Variants in APBA1 observed in about 807,000 individuals in gnomAD.
APBA1 encodes the protein amyloid-beta A4 precursor protein-binding family A member 1.
Under a neutral mutation model 86.6 loss-of-function variants are expected in APBA1, and 55 were observed. The ratio of observed to expected loss-of-function variants is 0.64; its 90% CI spans 0.51 to 0.80. APBA1 has a LOEUF of 0.80. Among genes scored for constraint, APBA1 ranks in the 30% least tolerant of loss-of-function variants. APBA1 has a pLI of 0.00. For synonymous variants in APBA1, 511 were observed against 493.9 expected, an observed-to-expected ratio of 1.03 and a Z score of -0.46; for missense variants, 1,090 against 1,183.0, an observed-to-expected ratio of 0.92 and a Z score of 1.15.
chr9:69,488,116 A>T (rs1835641194), intron 2 of APBA1, among the ~76,000 whole-genome samples: 1 of 152,140 alleles, frequency 6.6e-6, no homozygotes, highest in Non-Finnish European at 1.5e-5. Flanking sequence ...AGAAGGAGTG[A>T]TGAATGGAAA....
chr9:69,609,045 G>T (rs952864225), intron 1 of APBA1, among the ~76,000 whole-genome samples: 6 of 152,154 alleles, frequency 3.9e-5, no homozygotes, highest in African/African-American at 1.4e-4. Flanking sequence ...GACAGACTGG[G>T]CTAGGCACTA....
intron 8 of APBA1, among the ~76,000 whole-genome samples, chr9:69,455,865 A>AT (rs1248072466): frequency 6.6e-6 from 1 of 151,982 alleles, no homozygotes; most frequent in Non-Finnish European, 1.5e-5. Context: ...GGGCCTTCGC[A>AT]TTTGCTCCTT....
In APBA1 at chr9:69,609,514, A is replaced by G. The variant is rs1822539856; in HGVS notation, c.-70+62639T>C. 1.3e-5 allele frequency among the ~76,000 whole-genome samples: 2 copies of G among 152,176 alleles called. 1 individual carries two copies. The highest frequency in any genetic ancestry group is 4.1e-4 in the South Asian group (2 of 4,834). On this transcript the variant is annotated intron_variant, in intron 1 of 12. Coordinates refer to ENST00000265381, the MANE Select transcript of APBA1 (RefSeq NM_001163.4). ...AAAACCTTTATTTTCCTTTACCTCCATGAATATGCACATGGTTTACTATGG... is the reference window on the plus strand; with the variant it reads ...AAAACCTTTATTTTCCTTTACCTCCGTGAATATGCACATGGTTTACTATGG...
At chr9:69,564,332 T>A (rs1251174329) in intron 1 of APBA1, among the ~76,000 whole-genome samples, 1 of 152,230 alleles carries the variant, frequency 6.6e-6, no homozygotes, top group Non-Finnish European at 1.5e-5. Flanking sequence ...CACAGAGCAA[T>A]ATTTAAAAAC....
rs928035611 is a variant in APBA1, at chr9:69,506,036, G to GA, written c.1200+9974dup. On this transcript the variant is annotated intron_variant, in intron 2 of 12. Transcript: ENST00000265381. ...TCCATCTAAAAAAAAAGAAAAAGAAGAAAAAAAAAAGAAAAGGAGGAGGAG... is the reference window on the plus strand; with the variant it reads ...TCCATCTAAAAAAAAAGAAAAAGAAGAAAAAAAAAAAGAAAAGGAGGAGGAG... Among the ~76,000 whole-genome samples, 33 of 145,616 alleles carry GA rather than the reference G, an allele frequency of 2.3e-4. No homozygotes were observed. The East Asian group carries it at 2.8e-3, about 12-fold the overall frequency.
intron 2 of APBA1, among the ~76,000 whole-genome samples, chr9:69,494,855 A>AT (rs1835770966): frequency 1.3e-5 from 2 of 152,248 alleles, no homozygotes; most frequent in Non-Finnish European, 2.9e-5. Context: ...AAGGCTTACT[A>AT]TGTGTGTCAG....
rs560861678 is a variant in APBA1, at chr9:69,503,454, A to G, written c.1200+12557T>C. 2.6e-5 allele frequency among the ~76,000 whole-genome samples: 4 copies of G among 152,070 alleles called. No individual in the cohort carries two copies. In the South Asian group the frequency reaches 6.2e-4, roughly 24 times the overall value. On this transcript the variant is annotated intron_variant, in intron 2 of 12. Coordinates refer to ENST00000265381, the MANE Select transcript of APBA1 (RefSeq NM_001163.4). Reference sequence around the variant, plus strand: ...TTAGATATTATTTCCTGGCTCTACTATAAGATTTACCTCTTTCATGTTACA... The same window carrying G: ...TTAGATATTATTTCCTGGCTCTACTGTAAGATTTACCTCTTTCATGTTACA...
intron 10 of APBA1, among the ~76,000 whole-genome samples, chr9:69,444,244 A>G (rs575809452): frequency 6.6e-6 from 1 of 152,314 alleles, no homozygotes; most frequent in South Asian, 2.1e-4. Context: ...TGCTCTGGTT[A>G]AGGAAATGAT....
Position 69,672,301 on chromosome 9 carries a change from G to A in APBA1, c.-218C>T, listed in dbSNP as rs1029166037. 26 of 175,976 alleles carry A rather than the reference G, an allele frequency of 1.5e-4. No homozygotes were observed. Among genetic ancestry groups the A allele is most frequent in the Non-Finnish European group, 2.2e-4 (19 of 86,658 alleles). 10.9% of individuals were successfully genotyped at this position (175,976 alleles called of 1,614,324 possible). On this transcript the variant is annotated 5_prime_UTR_variant, in exon 1 of 13. Coordinates refer to ENST00000265381, the MANE Select transcript of APBA1 (RefSeq NM_001163.4). The stretch of plus-strand genomic sequence containing the variant: ...CGCCGCAGCTGCCGCCGCCGCCGCC[G>A]CCGCCGGGACCGCAGCCGCCCTCGC...
At chr9:69,443,434 G>C (rs1478250191) in intron 10 of APBA1, among the ~76,000 whole-genome samples, 1 of 152,172 alleles carries the variant, frequency 6.6e-6, no homozygotes, top group Non-Finnish European at 1.5e-5. Context: ...CGCTGGCAAG[G>C]GTGGGGTGAG....
At chr9:69,549,615 C>T (rs1836753414) in intron 1 of APBA1, among the ~76,000 whole-genome samples, 1 of 152,122 alleles carries the variant, frequency 6.6e-6, no homozygotes, top group African/African-American at 2.4e-5. Flanking sequence ...GGTGACCTCT[C>T]GTGGTAAAAG....
chr9:69,496,360 T>C (rs1835794609), intron 2 of APBA1, among the ~76,000 whole-genome samples: 1 of 152,054 alleles, frequency 6.6e-6, no homozygotes, highest in South Asian at 2.1e-4. Context: ...CCTACCTGAT[T>C]GGCTAATGTG....
intron 5 of APBA1, among the ~76,000 whole-genome samples, chr9:69,465,801 A>G (rs1487394554): frequency 6.6e-6 from 1 of 152,208 alleles, no homozygotes; most frequent in Admixed American, 6.5e-5. Context: ...CCCACTGTCC[A>G]TCATTCTGGG....
chr9:69,439,160 A>T (rs1834760940), intron 11 of APBA1, among the ~76,000 whole-genome samples: 1 of 97,426 alleles, frequency 1.0e-5, no homozygotes, highest in East Asian at 2.5e-4. Flanking sequence ...TGTTAGTCTG[A>T]TGGGCTTCCC....
chr9:69,435,404 C>A (rs1490652104), intron 11 of APBA1, among the ~76,000 whole-genome samples: 3 of 151,976 alleles, frequency 2.0e-5, no homozygotes, highest in African/African-American at 7.3e-5. Context: ...AGTTTACAGT[C>A]CCACCAACAG....
At chr9:69,555,235 T>TGCA (rs542634292) in intron 1 of APBA1, among the ~76,000 whole-genome samples, 21 of 152,274 alleles carry the variant, frequency 1.4e-4, no homozygotes, top group African/African-American at 4.8e-4. Context: ...ATTGGGCTGT[T>TGCA]TCACCCAGAT....
At chr9:69,658,565 G>A (rs921558095) in intron 1 of APBA1, among the ~76,000 whole-genome samples, 2 of 70,346 alleles carry the variant, frequency 2.8e-5, no homozygotes, top group Admixed American at 2.2e-4. Flanking sequence ...ACCATGCCCA[G>A]CTAATTTTTT....
intron 1 of APBA1, among the ~76,000 whole-genome samples, chr9:69,625,992 G>A (rs1822920959): frequency 6.6e-6 from 1 of 152,138 alleles, no homozygotes; most frequent in South Asian, 2.1e-4. Context: ...CTTGGATACT[G>A]GGGGAGACTC....
Position 69,580,198 on chromosome 9 carries a change from C to G in APBA1, c.-69-62919G>C, listed in dbSNP as rs369847524. Among the ~76,000 whole-genome samples, 8 of 152,296 alleles carry G rather than the reference C, an allele frequency of 5.3e-5. No homozygotes were observed. In the East Asian group the frequency reaches 1.2e-3, roughly 22 times the overall value. The stretch of plus-strand genomic sequence containing the variant: ...CTTGCCAAACGTTATTGATTGGTTG[C>G]AGCTGCCAGAAGCCTTCTATCGAGG... On this transcript the variant is annotated intron_variant, in intron 1 of 12. Coordinates refer to ENST00000265381, the MANE Select transcript of APBA1 (RefSeq NM_001163.4).
Sources: gnomAD v4.1 joint callset for allele counts (sites outside exome capture counted in the v4.1 genomes callset) on GRCh38, gnomAD v4.1.1 for gene constraint, MANE v1.5 for transcripts, NCBI Gene and HGNC (gene_info 2026-07-23, HGNC 2026-07-21) for gene names.